The following ADGRV1 variants were observed in gnomAD, a reference collection of about 807,000 sequenced individuals.
ADGRV1 encodes adhesion G protein-coupled receptor V1, also known as G-protein coupled receptor 98.
In ADGRV1, 359 loss-of-function variants were observed where a neutral mutation model predicts 596.2. The observed-to-expected ratio is 0.60, with a 90% CI of 0.55 to 0.66. The LOEUF is 0.66. ADGRV1 is among the 30% of genes least tolerant of loss of function. ADGRV1 has a pLI of 0.00. For missense variants in ADGRV1, 7,274 were observed against 7,575.6 expected (o/e 0.96, Z 1.48); for synonymous variants, 2,681 against 2,679.2 (o/e 1.00, Z -0.02).
At chr5:91,145,037 T>A (rs1795413471) in intron 87 of ADGRV1, among the ~76,000 whole-genome samples, 1 of 152,240 alleles carries the variant, frequency 6.6e-6, no homozygotes, top group Admixed American at 6.5e-5. Flanking sequence ...CTTTGGATAA[T>A]GAAAGTCCAT....
chr5:90,866,315 A>ATATGTG (rs1554140381), intron 83 of ADGRV1, among the ~76,000 whole-genome samples: 14 of 138,330 alleles, frequency 1.0e-4, no homozygotes, highest in African/African-American at 3.1e-4. Flanking sequence ...GTATGTGTAT[A>ATATGTG]TGTGTGTGTG....
intron 1 of ADGRV1, among the ~76,000 whole-genome samples, chr5:90,598,129 G>C (rs1760940747): frequency 6.6e-6 from 1 of 152,162 alleles, no homozygotes. Flanking sequence ...CTTTTTCTTA[G>C]GAAAAAACTC....
chr5:90,600,876 T>C (rs1004098856), intron 1 of ADGRV1, among the ~76,000 whole-genome samples: 4 of 152,178 alleles, frequency 2.6e-5, no homozygotes, highest in African/African-American at 9.7e-5. Context: ...CCTACTTCTT[T>C]TTAAAAACAA....
chr5:90,911,455 G>T lies in ADGRV1; in HGVS notation c.17856+47598G>T, dbSNP rs574975569. On this transcript the variant is annotated intron_variant, in intron 83 of 89. Coordinates refer to ENST00000405460, the MANE Select transcript of ADGRV1 (RefSeq NM_032119.4). ...TTTGTTTATTCAAAGGTCATTAAAA[G>T]ATGTGATTTAGATTTGTTTTCTTAA... is the stretch of plus-strand genomic sequence containing the variant. Among the ~76,000 whole-genome samples, 2 of 152,262 alleles carry T rather than the reference G, an allele frequency of 1.3e-5. 1 individual carries two copies. The highest frequency in any genetic ancestry group is 4.1e-4 in the South Asian group (2 of 4,828).
intron 84 of ADGRV1, among the ~76,000 whole-genome samples, chr5:90,983,091 T>G (rs1310546966): frequency 6.6e-6 from 1 of 152,230 alleles, no homozygotes; most frequent in Non-Finnish European, 1.5e-5. Context: ...TAGAGTATAT[T>G]TCAGTGATCA....
At chr5:90,716,344 C>T in intron 42 of ADGRV1, 123 bp from the exon 43 acceptor site, 1 of 531,522 alleles carries the variant, frequency 1.9e-6, no homozygotes, top group East Asian at 3.1e-5. Flanking sequence ...TTTTTAAGAT[C>T]ATCTTAAGAC....
At chr5:90,601,807 G>C (rs914709828) in intron 1 of ADGRV1, among the ~76,000 whole-genome samples, 1 of 152,274 alleles carries the variant, frequency 6.6e-6, no homozygotes, top group African/African-American at 2.4e-5. Flanking sequence ...ACAGTTTATA[G>C]CTTTAATGGC....
rs568117748 is a variant in ADGRV1 at position 90,631,379 on chromosome 5, C to G, written c.1839+1840C>G. ...ATACTTGTGCTGTTAGGGCATTTTT[C>G]GAGGACTCTTGTCCAAGGGGCTTAG... On this transcript the variant is annotated intron_variant, in intron 9 of 89. Coordinates refer to ENST00000405460, the MANE Select transcript of ADGRV1 (RefSeq NM_032119.4). Among the ~76,000 whole-genome samples, 4 of 152,128 alleles carry G rather than the reference C, an allele frequency of 2.6e-5. No homozygotes were observed. In the East Asian group the frequency reaches 7.7e-4, roughly 29 times the overall value.
chr5:90,567,477 C>CT (rs1561299270), intron 1 of ADGRV1, among the ~76,000 whole-genome samples: 2 of 152,082 alleles, frequency 1.3e-5, no homozygotes, highest in African/African-American at 4.8e-5. Flanking sequence ...ATTACTAATT[C>CT]AATCTATTTA....
chr5:91,090,281 A>G (rs188967859), intron 86 of ADGRV1, among the ~76,000 whole-genome samples: 5 of 152,262 alleles, frequency 3.3e-5, no homozygotes, highest in Admixed American at 1.3e-4. Flanking sequence ...CTCTAATAAT[A>G]GTTTTTGCGA....
chr5:91,129,952 T>A (rs73771192), intron 87 of ADGRV1, among the ~76,000 whole-genome samples: 1,607 of 152,066 alleles, frequency 0.011, 38 homozygotes, highest in African/African-American at 0.037. Context: ...AAGAAAAAAA[T>A]TTTTAAGAAA....
At chr5:91,054,494 A>G (rs887608336) in intron 85 of ADGRV1, among the ~76,000 whole-genome samples, 3 of 152,218 alleles carry the variant, frequency 2.0e-5, no homozygotes, top group African/African-American at 7.2e-5. Context: ...TTGGGATACT[A>G]TAACAAAATA....
chr5:90,596,462 G>C (rs1011406195), intron 1 of ADGRV1, among the ~76,000 whole-genome samples: 23 of 151,880 alleles, frequency 1.5e-4, no homozygotes, highest in African/African-American at 4.1e-4. Context: ...AGGTTGTAGC[G>C]AGCCGAGATC....
intron 25 of ADGRV1, among the ~76,000 whole-genome samples, chr5:90,678,822 G>A (rs1561511000): frequency 6.6e-6 from 1 of 151,756 alleles, no homozygotes; most frequent in Non-Finnish European, 1.5e-5. Flanking sequence ...TTCTCAACAC[G>A]GTTGCATTTG....
chr5:91,031,414 T>C (rs1407830720), intron 85 of ADGRV1: 1 of 881,306 alleles, frequency 1.1e-6, no homozygotes, highest in East Asian at 2.4e-5. Context: ...AAAACCTTCC[T>C]GTTCCCATGG....
At chr5:90,764,230 C>G (rs956714064) in intron 59 of ADGRV1, among the ~76,000 whole-genome samples, 1 of 152,116 alleles carries the variant, frequency 6.6e-6, no homozygotes, top group Admixed American at 6.5e-5. Flanking sequence ...CAGATATGCC[C>G]CTCTAGGAGC....
At chr5:90,646,541 T>A (rs868729701) in intron 16 of ADGRV1, among the ~76,000 whole-genome samples, 49 of 152,224 alleles carry the variant, frequency 3.2e-4, no homozygotes, top group African/African-American at 1.2e-3. Flanking sequence ...TAATAACTAA[T>A]TTTTAAGGGA....
In ADGRV1 at chr5:90,704,459, A is replaced by G. The variant is rs1276983073; in HGVS notation, c.8357A>G (p.Gln2786Arg). The change falls in exon 36 of 90, where the codon CAA (glutamine) becomes CGA (arginine). Residue 2786 changes from glutamine (Q) to arginine (R), a missense_variant. By Grantham distance (43) the Gln-to-Arg change is conservative (BLOSUM62 1). Coordinates refer to ENST00000405460, the MANE Select transcript of ADGRV1 (RefSeq NM_032119.4). Reference sequence around the variant, plus strand: ...ATTCCTGAGGAGAAAGAAGTATACCAAGTCATTCTGTATGATGTCAGGACA... The same window carrying G: ...ATTCCTGAGGAGAAAGAAGTATACCGAGTCATTCTGTATGATGTCAGGACA... ...DNIPEEKEVY[Q>R]VILYDVRTQG... 6.3e-7 allele frequency: 1 copy of G among 1,575,730 alleles called. No individual in the cohort carries two copies. Among genetic ancestry groups the G allele is most frequent in the African/African-American group, 1.3e-5 (1 of 74,266 alleles).
chr5:91,087,362 T>C (rs958187753), intron 86 of ADGRV1, among the ~76,000 whole-genome samples: 19 of 152,138 alleles, frequency 1.2e-4, no homozygotes, highest in African/African-American at 4.3e-4. Flanking sequence ...CTCGACTTGA[T>C]CTTGGCTCAC....
Sources: gnomAD v4.1 joint callset for allele counts (sites outside exome capture counted in the v4.1 genomes callset) on GRCh38, gnomAD v4.1.1 for gene constraint, MANE v1.5 for transcripts, NCBI Gene and HGNC (gene_info 2026-07-23, HGNC 2026-07-21) for gene names.